The following SLC2A9 variants were observed in gnomAD, a reference collection of about 807,000 sequenced individuals.
SLC2A9 encodes solute carrier family 2 member 9.
Under a neutral mutation model 50.6 loss-of-function variants are expected in SLC2A9, and 39 were observed. That is an observed-to-expected ratio of 0.77 (90% CI 0.60 to 1.01). The LOEUF is 1.01. Among genes scored for constraint, SLC2A9 ranks in the 50% least tolerant of loss-of-function variants. SLC2A9 has a pLI of 0.00. For missense variants in SLC2A9, 686 were observed against 677.6 expected, an observed-to-expected ratio of 1.01 and a Z score of -0.14; for synonymous variants, 324 against 276.9, an observed-to-expected ratio of 1.17 and a Z score of -1.69.
chr4:9,840,855 A>G (rs1476398688), intron 10 of SLC2A9, among the ~76,000 whole-genome samples: 2 of 152,192 alleles, frequency 1.3e-5, no homozygotes, highest in African/African-American at 4.8e-5. Flanking sequence ...AGGCCTCAGG[A>G]AACTTACAAT....
Position 9,992,120 on chromosome 4 carries a change from G to A in SLC2A9, c.410+4661C>T, listed in dbSNP as rs76466354. ...GGGATGCCTGTTGTTTGTGCTCACC[G>A]AACCTCCATCCTTCTTCTGGGAGGA... On this transcript the variant is annotated intron_variant, in intron 3 of 11. Coordinates refer to ENST00000264784, the MANE Select transcript of SLC2A9 (RefSeq NM_020041.3). Among the ~76,000 whole-genome samples the A allele has an allele frequency of 9.3e-4, 142 of 152,232 alleles. 3 individuals are homozygous for A. The East Asian group carries it at 0.025, about 27-fold the overall frequency.
At chr4:9,933,388 C>T (rs115251876) in intron 6 of SLC2A9, among the ~76,000 whole-genome samples, 1,615 of 152,268 alleles carry the variant, frequency 0.011, 20 homozygotes, top group African/African-American at 0.036. Flanking sequence ...GGAGGGTGAA[C>T]GCACGGGCTC....
At chr4:9,936,741 T>C (rs1192330744) in intron 6 of SLC2A9, among the ~76,000 whole-genome samples, 3 of 151,964 alleles carry the variant, frequency 2.0e-5, no homozygotes, top group African/African-American at 7.3e-5. Context: ...TGAGCAGAGA[T>C]GACAGGGAGA....
chr4:9,908,232 T>C lies in SLC2A9; in HGVS notation c.1113+3A>G. 6.2e-7 allele frequency: 1 copy of C among 1,607,560 alleles called. No individual in the cohort carries two copies. The highest frequency in any genetic ancestry group is 8.5e-7 in the Non-Finnish European group (1 of 1,173,922). On this transcript the variant is annotated splice_donor_region_variant and intron_variant, in intron 8 of 11. Transcript: ENST00000264784. ...TCTCAGGAGTAACCCTCAGTTGACT[T>C]ACAGAGAAGACGGCAGCCAAAGTCT...
At chr4:10,018,873 C>T (rs890430607) in intron 2 of SLC2A9, 102 bp downstream of exon 2, 8 of 1,164,544 alleles carry the variant, frequency 6.9e-6, no homozygotes, top group East Asian at 2.6e-5. Flanking sequence ...TGTCCCGCGC[C>T]GCGAGCGCAA....
chr4:10,033,170 C>T (rs182028696), intron 1 of SLC2A9, among the ~76,000 whole-genome samples: 38 of 152,214 alleles, frequency 2.5e-4, no homozygotes, highest in African/African-American at 8.7e-4. Context: ...ATCACTTGCT[C>T]GAGTGTGTTA....
At chr4:9,982,146 T>A (rs1441209443) in intron 4 of SLC2A9, among the ~76,000 whole-genome samples, 1 of 152,188 alleles carries the variant, frequency 6.6e-6, no homozygotes, top group Non-Finnish European at 1.5e-5. Flanking sequence ...TCCCAAAGTG[T>A]TAGGATTACA....
intron 10 of SLC2A9, among the ~76,000 whole-genome samples, chr4:9,882,128 C>T (rs370293869): frequency 1.2e-4 from 18 of 152,318 alleles, no homozygotes; most frequent in African/African-American, 4.3e-4. Flanking sequence ...CATCCTCAGC[C>T]AAGCTGATCT....
At chr4:9,792,163 CTTTTTTTT>C (rs34289788) in intron 3 of SLC2A9, among the ~76,000 whole-genome samples, 5 of 77,228 alleles carry the variant, frequency 6.5e-5, no homozygotes, top group Admixed American at 1.9e-4. Flanking sequence ...TTCTATGTTT[CTTTTTTTT>C]TTTTTTTTTT....
At chr4:9,952,585 G>A (rs1442557810) in intron 5 of SLC2A9, among the ~76,000 whole-genome samples, 1 of 150,356 alleles carries the variant, frequency 6.7e-6, no homozygotes, top group Non-Finnish European at 1.5e-5. Context: ...CCAGGCTGTA[G>A]TGCAGTGACG....
In SLC2A9 at chr4:9,890,715, G is replaced by A; in HGVS notation, c.1114-4C>T. 1 of 1,612,844 alleles carries A rather than the reference G, an allele frequency of 6.2e-7. No individual in the cohort carries two copies. On this transcript the variant is annotated splice_polypyrimidine_tract_variant and splice_region_variant and intron_variant, in intron 8 of 11. Coordinates refer to ENST00000264784, the MANE Select transcript of SLC2A9 (RefSeq NM_020041.3). The stretch of plus-strand genomic sequence containing the variant: ...CCAGGTGCTCAATGACCAAACCCTA[G>A]TCCAGGGTAAAAGAGAGAGAGAGAG...
intron 5 of SLC2A9, among the ~76,000 whole-genome samples, chr4:9,956,702 C>A (rs28677023): frequency 0.48 from 73,087 of 151,592 alleles, 18,920 homozygotes; most frequent in African/African-American, 0.67. Context: ...AAATTGTGAT[C>A]GTTCTAAAAT....
chr4:9,855,780 A>G (rs1427105491), intron 10 of SLC2A9, among the ~76,000 whole-genome samples: 4 of 152,210 alleles, frequency 2.6e-5, no homozygotes, highest in African/African-American at 9.7e-5. Flanking sequence ...TACCAATGGA[A>G]CAGAAAAGAG....
intron 3 of SLC2A9, among the ~76,000 whole-genome samples, chr4:9,992,638 G>C (rs1416600014): frequency 6.6e-6 from 1 of 152,224 alleles, no homozygotes; most frequent in Non-Finnish European, 1.5e-5. Context: ...ACCTCCATGG[G>C]AGAGATTGCC....
chr4:9,914,812 C>T lies in SLC2A9; in HGVS notation c.1002+5573G>A, dbSNP rs115603911. 3.9e-3 allele frequency among the ~76,000 whole-genome samples: 589 copies of T among 152,252 alleles called. 5 individuals carry two copies. The highest frequency in any genetic ancestry group is 0.013 in the African/African-American group (553 of 41,552). On this transcript the variant is annotated intron_variant, in intron 7 of 11. Coordinates refer to ENST00000264784, the MANE Select transcript of SLC2A9 (RefSeq NM_020041.3). ...ACAGCATATCTAGATGCCCAACAGC[C>T]GGTCCATGCTCAGTAAAAGGCTGCT...
intron 10 of SLC2A9, among the ~76,000 whole-genome samples, chr4:9,862,216 T>C (rs1356592093): frequency 1.3e-5 from 2 of 152,088 alleles, no homozygotes; most frequent in Non-Finnish European, 2.9e-5. Context: ...AAGACAACTT[T>C]GGATGCTTAT....
intron 10 of SLC2A9, among the ~76,000 whole-genome samples, chr4:9,846,112 C>T (rs146186799): frequency 1.2e-3 from 187 of 152,268 alleles, no homozygotes; most frequent in South Asian, 2.5e-3. Context: ...CAAGGTGGCA[C>T]GAGCAGTAAA....
chr4:9,874,524 T>G (rs1733964921), intron 10 of SLC2A9, among the ~76,000 whole-genome samples: 1 of 152,196 alleles, frequency 6.6e-6, no homozygotes, highest in Non-Finnish European at 1.5e-5. Flanking sequence ...GAATCAGGCC[T>G]CTGAGAGTGG....
chr4:9,819,083 C>T (rs981107894), intron 3 of SLC2A9, among the ~76,000 whole-genome samples: 6 of 141,178 alleles, frequency 4.2e-5, no homozygotes, highest in East Asian at 2.1e-4. Context: ...TGCACCATTG[C>T]GCTCCAGCCT....
Sources: allele counts gnomAD v4.1 joint callset (sites outside exome capture counted in the v4.1 genomes callset), GRCh38; gene constraint gnomAD v4.1.1; transcripts MANE v1.5; gene names NCBI Gene and HGNC (gene_info 2026-07-23, HGNC 2026-07-21).